The following GABRG3 variants were observed in gnomAD, a reference collection of about 807,000 sequenced individuals.
GABRG3 encodes gamma-aminobutyric acid receptor subunit gamma-3.
Under a neutral mutation model 48.8 loss-of-function variants are expected in GABRG3, and 25 were observed. The ratio of observed to expected loss-of-function variants is 0.51; its 90% CI spans 0.37 to 0.72. The LOEUF (loss-of-function observed/expected upper bound fraction) is 0.72. GABRG3 is among the 30% of genes least tolerant of loss of function. The probability of loss-of-function intolerance (pLI) is 0.00; values close to 1 mark genes in which losing one functional copy is unlikely to be tolerated. For synonymous variants in GABRG3, 227 were observed against 217.6 expected, an observed-to-expected ratio of 1.04 and a Z score of -0.38; for missense variants, 394 against 577.9, an observed-to-expected ratio of 0.68 and a Z score of 3.26.
At chr15:27,020,551 A>G (rs532416250) in intron 2 of GABRG3, among the ~76,000 whole-genome samples, 28 of 150,596 alleles carry the variant, frequency 1.9e-4, no homozygotes, top group Admixed American at 7.3e-4. Flanking sequence ...AGCTGGGACT[A>G]CAGGCGCCCG....
intron 5 of GABRG3, among the ~76,000 whole-genome samples, chr15:27,333,887 A>G (rs1164980849): frequency 6.6e-6 from 1 of 152,146 alleles, no homozygotes; most frequent in Non-Finnish European, 1.5e-5. Flanking sequence ...TATTTTATGG[A>G]AAAAATTAAA....
At chr15:27,470,451 T>C (rs922335242) in intron 5 of GABRG3, among the ~76,000 whole-genome samples, 1 of 151,984 alleles carries the variant, frequency 6.6e-6, no homozygotes, top group African/African-American at 2.4e-5. Flanking sequence ...TATGCTGGTC[T>C]CGAACTCCTG....
chr15:27,092,744 C>T (rs758078793), intron 3 of GABRG3, among the ~76,000 whole-genome samples: 3 of 152,072 alleles, frequency 2.0e-5, no homozygotes, highest in Non-Finnish European at 2.9e-5. Context: ...ACAGGAAGGG[C>T]GGGACCTTTG....
At chr15:27,427,227 C>G (rs1012476028) in intron 5 of GABRG3, among the ~76,000 whole-genome samples, 2 of 152,050 alleles carry the variant, frequency 1.3e-5, no homozygotes, top group South Asian at 2.1e-4. Flanking sequence ...ATGCCTCGTC[C>G]TAATTCATCC....
intron 5 of GABRG3, among the ~76,000 whole-genome samples, chr15:27,478,515 G>T (rs894535153): frequency 2.6e-5 from 4 of 152,224 alleles, no homozygotes; most frequent in African/African-American, 7.2e-5. Context: ...AAGTGTTGCA[G>T]AGGATATGGA....
Position 27,118,089 on chromosome 15 carries a change from C to T in GABRG3, c.270+91268C>T, listed in dbSNP as rs976684443. Among the ~76,000 whole-genome samples the T allele has an allele frequency of 3.3e-5, 5 of 152,186 alleles. No individual in the cohort carries two copies. In the South Asian group the frequency reaches 6.2e-4, roughly 19 times the overall value. ...CAAGGCTTCATCTTTCCAGACCATTCTTCAATGCTTTAGTTTATAGTCTAT... is the reference window on the plus strand; with the variant it reads ...CAAGGCTTCATCTTTCCAGACCATTTTTCAATGCTTTAGTTTATAGTCTAT... On this transcript the variant is annotated intron_variant, in intron 3 of 9. Transcript: ENST00000615808.
At chr15:27,137,600 A>T (rs889628446) in intron 3 of GABRG3, among the ~76,000 whole-genome samples, 3 of 152,190 alleles carry the variant, frequency 2.0e-5, no homozygotes, top group Non-Finnish European at 4.4e-5. Context: ...AATGAAGCCT[A>T]ATGTATAACA....
intron 3 of GABRG3, among the ~76,000 whole-genome samples, chr15:27,169,704 G>A (rs376316657): frequency 2.0e-5 from 3 of 152,212 alleles, no homozygotes; most frequent in African/African-American, 7.2e-5. Context: ...AGAATACCAC[G>A]GGCAGGGAGG....
At chr15:27,288,106 T>G (rs1668434830) in intron 3 of GABRG3, among the ~76,000 whole-genome samples, 1 of 152,098 alleles carries the variant, frequency 6.6e-6, no homozygotes, top group Admixed American at 6.6e-5. Context: ...CCTTTTTATC[T>G]GTGGAAGACA....
At chr15:26,999,494 A>G (rs1356260278) in intron 2 of GABRG3, among the ~76,000 whole-genome samples, 2 of 152,024 alleles carry the variant, frequency 1.3e-5, no homozygotes, top group African/African-American at 4.8e-5. Flanking sequence ...TTTGTGTTTC[A>G]TGTGTTTTTC....
intron 3 of GABRG3, among the ~76,000 whole-genome samples, chr15:27,292,614 T>C (rs1891832752): frequency 6.6e-6 from 1 of 152,160 alleles, no homozygotes; most frequent in African/African-American, 2.4e-5. Context: ...TCTGGAACTT[T>C]CTCTATTCAA....
At chr15:27,451,768 T>G (rs1369334639) in intron 5 of GABRG3, among the ~76,000 whole-genome samples, 1 of 151,994 alleles carries the variant, frequency 6.6e-6, no homozygotes, top group Non-Finnish European at 1.5e-5. Flanking sequence ...TGGGGGAAAA[T>G]ATCTGCAAAC....
intron 3 of GABRG3, among the ~76,000 whole-genome samples, chr15:27,294,597 CT>C (rs781196678): frequency 2.0e-5 from 3 of 152,110 alleles, no homozygotes; most frequent in Non-Finnish European, 4.4e-5. Flanking sequence ...ACGGGGTTGT[CT>C]TTGGACTCAG....
At chr15:27,388,387 AAGG>A (rs1284988725) in intron 5 of GABRG3, among the ~76,000 whole-genome samples, 5 of 137,116 alleles carry the variant, frequency 3.6e-5, no homozygotes, top group East Asian at 2.4e-4. Context: ...GAAGGAAGGA[AAGG>A]AGGGAGGGAG....
intron 3 of GABRG3, among the ~76,000 whole-genome samples, chr15:27,044,019 C>G (rs927257169): frequency 2.0e-5 from 3 of 152,172 alleles, no homozygotes; most frequent in African/African-American, 7.2e-5. Flanking sequence ...AGGGCCCCTC[C>G]ACTGGGAAAC....
chr15:27,147,184 A>G (rs2140393922), intron 3 of GABRG3, among the ~76,000 whole-genome samples: 1 of 152,220 alleles, frequency 6.6e-6, no homozygotes, highest in African/African-American at 2.4e-5. Flanking sequence ...GAGGCAAAAA[A>G]GATACACATT....
chr15:27,068,625 G>A (rs1340610604), intron 3 of GABRG3, among the ~76,000 whole-genome samples: 1 of 152,218 alleles, frequency 6.6e-6, no homozygotes, highest in Non-Finnish European at 1.5e-5. Context: ...TCAATGAAGG[G>A]TGAATTCAGA....
intron 3 of GABRG3, among the ~76,000 whole-genome samples, chr15:27,307,443 A>G (rs1188142219): frequency 1.2e-5 from 1 of 81,178 alleles, no homozygotes; most frequent in East Asian, 2.4e-4. Context: ...ATATTTATAT[A>G]TAAACATATA....
intron 3 of GABRG3, among the ~76,000 whole-genome samples, chr15:27,054,122 C>T (rs1372666439): frequency 6.6e-6 from 1 of 152,114 alleles, no homozygotes; most frequent in African/African-American, 2.4e-5. Flanking sequence ...ACCTGTAATC[C>T]CAGCTACTCA....
Sources: gnomAD v4.1 joint callset for allele counts (sites outside exome capture counted in the v4.1 genomes callset) on GRCh38, gnomAD v4.1.1 for gene constraint, MANE v1.5 for transcripts, NCBI Gene and HGNC (gene_info 2026-07-23, HGNC 2026-07-21) for gene names.